TBC1D22A: variants seen among roughly 807,000 people sequenced by gnomAD.
TBC1D22A encodes putative GTPase activator.
Under a neutral mutation model 60.2 loss-of-function variants are expected in TBC1D22A, and 38 were observed. The observed-to-expected ratio is 0.63, with a 90% confidence interval of 0.49 to 0.83. The LOEUF (loss-of-function observed/expected upper bound fraction) is 0.83, where lower values mean the gene tolerates loss of function less well. Among genes scored for constraint, TBC1D22A ranks in the 40% least tolerant of loss-of-function variants. The pLI is 0.00. For synonymous variants in TBC1D22A, 302 were observed against 281.7 expected, an observed-to-expected ratio of 1.07 and a Z score of -0.72; for missense variants, 628 against 701.0, an observed-to-expected ratio of 0.90 and a Z score of 1.18.
intron 11 of TBC1D22A, among the ~76,000 whole-genome samples, chr22:47,060,240 T>C (rs972432461): frequency 1.9e-4 from 10 of 51,724 alleles, no homozygotes; most frequent in African/African-American, 8.4e-4. Flanking sequence ...GTTTCTGACT[T>C]TTTTTTTTTT....
At chr22:46,872,647 G>A (rs1333236551) in intron 4 of TBC1D22A, among the ~76,000 whole-genome samples, 1 of 152,228 alleles carries the variant, frequency 6.6e-6, no homozygotes, top group African/African-American at 2.4e-5. Context: ...AGCAGCATAA[G>A]TGGGGGAACC....
At chr22:47,153,409 C>T (rs907581629) in intron 12 of TBC1D22A, among the ~76,000 whole-genome samples, 4 of 151,988 alleles carry the variant, frequency 2.6e-5, no homozygotes, top group African/African-American at 4.8e-5. Context: ...TTGAGTGGTA[C>T]TTGGCAGCCC....
chr22:46,899,572 C>T (rs1234895422), intron 7 of TBC1D22A, among the ~76,000 whole-genome samples: 1 of 152,200 alleles, frequency 6.6e-6, no homozygotes, highest in East Asian at 1.9e-4. Context: ...CCGAATGTGC[C>T]TTCACAGGCC....
At chr22:47,123,510 G>A (rs6007606) in intron 12 of TBC1D22A, among the ~76,000 whole-genome samples, 5 of 152,286 alleles carry the variant, frequency 3.3e-5, no homozygotes, top group African/African-American at 1.2e-4. Context: ...CTCACACCCA[G>A]GACCCATTTA....
intron 4 of TBC1D22A, among the ~76,000 whole-genome samples, chr22:46,829,901 GA>G (rs775425520): frequency 2.0e-5 from 3 of 152,138 alleles, no homozygotes; most frequent in African/African-American, 4.8e-5. Flanking sequence ...AGGTCGTAAA[GA>G]AAAAAATCCC....
chr22:47,102,237 C>T (rs984415904), intron 11 of TBC1D22A, among the ~76,000 whole-genome samples: 2 of 152,198 alleles, frequency 1.3e-5, no homozygotes, highest in African/African-American at 2.4e-5. Flanking sequence ...CAGGACAGGC[C>T]TGGTGGCATG....
At position 46,913,428 on chromosome 22, in the gene TBC1D22A, A is replaced by ATC. The variant is rs745315949; in HGVS notation, c.1015+1240_1015+1241insTC. The ATC allele has an allele frequency of 3.7e-6, 5 of 1,365,766 alleles. No individual in the cohort carries two copies. The South Asian group carries it at 5.7e-5, about 16-fold the overall frequency. 84.6% of individuals were successfully genotyped at this position (1,365,766 alleles called of 1,614,324 possible). A position where few individuals can be genotyped will look rare whatever the true frequency, so the allele number is the denominator to read the frequency against. ...GGACAGATGAACAGATTATCCTCAGAAGATGAGGACATATCCAAGTAGTGA... is the reference window on the plus strand; with the variant it reads ...GGACAGATGAACAGATTATCCTCAGATCAGATGAGGACATATCCAAGTAGTGA... On this transcript the variant is annotated intron_variant, in intron 8 of 12. Transcript: ENST00000337137.
rs578255388 is a variant in TBC1D22A, at chr22:47,088,440, G to A, written c.1330-23068G>A. On this transcript the variant is annotated intron_variant, in intron 11 of 12. Transcript: ENST00000337137. The stretch of plus-strand genomic sequence containing the variant: ...ACAAAGCATCAGAAAGAATTATGAT[G>A]GCAGTTTATTAGAACATACCAAGAA... 9.2e-5 allele frequency among the ~76,000 whole-genome samples: 14 copies of A among 152,218 alleles called. No individual in the cohort carries two copies. The South Asian group carries it at 2.7e-3, about 29-fold the overall frequency.
chr22:47,020,753 G>A (rs1488315409), intron 10 of TBC1D22A, among the ~76,000 whole-genome samples: 3 of 151,788 alleles, frequency 2.0e-5, no homozygotes, highest in Non-Finnish European at 4.4e-5. Flanking sequence ...ACCTGCCTTG[G>A]TGTCATCCCC....
At chr22:46,959,904 G>A (rs2073405073) in intron 8 of TBC1D22A, among the ~76,000 whole-genome samples, 1 of 152,172 alleles carries the variant, frequency 6.6e-6, no homozygotes, top group Non-Finnish European at 1.5e-5. Flanking sequence ...GGTTCACTTA[G>A]CCTTTTTAGC....
intron 8 of TBC1D22A, among the ~76,000 whole-genome samples, chr22:46,930,612 C>T (rs930464365): frequency 7.6e-6 from 1 of 131,900 alleles, no homozygotes; most frequent in Non-Finnish European, 1.6e-5. Context: ...CCCACCACCA[C>T]GCCTGGCTAA....
chr22:47,086,918 T>C (rs1236127826), intron 11 of TBC1D22A, among the ~76,000 whole-genome samples: 1 of 152,266 alleles, frequency 6.6e-6, no homozygotes, highest in Non-Finnish European at 1.5e-5. Flanking sequence ...ATCGTAGCAC[T>C]GTTTGCAGTA....
chr22:47,004,224 C>A (rs1290865099), intron 10 of TBC1D22A, among the ~76,000 whole-genome samples: 2 of 146,394 alleles, frequency 1.4e-5, no homozygotes, highest in Middle Eastern at 3.8e-3. Context: ...CCTACACACA[C>A]CCCTATATAC....
At chr22:47,095,252 C>G (rs2065128512) in intron 11 of TBC1D22A, among the ~76,000 whole-genome samples, 1 of 152,226 alleles carries the variant, frequency 6.6e-6, no homozygotes, top group Non-Finnish European at 1.5e-5. Context: ...GAATGGGAAA[C>G]AATTTCTGTC....
intron 11 of TBC1D22A, among the ~76,000 whole-genome samples, chr22:47,042,072 T>C (rs1055701084): frequency 1.3e-5 from 2 of 152,266 alleles, no homozygotes; most frequent in Non-Finnish European, 2.9e-5. Context: ...GTCATTGTTC[T>C]CTGAGAGTTT....
chr22:46,796,698 G>C (rs743140), intron 3 of TBC1D22A, among the ~76,000 whole-genome samples: 1 of 143,984 alleles, frequency 6.9e-6, no homozygotes, highest in Non-Finnish European at 1.5e-5. Flanking sequence ...GGGCCTGTCC[G>C]TCTTGGGGGT....
chr22:46,921,400 T>A (rs918312102), intron 8 of TBC1D22A, among the ~76,000 whole-genome samples: 3 of 152,354 alleles, frequency 2.0e-5, no homozygotes. Flanking sequence ...CCGTCCATGT[T>A]GCTACAAAGG....
chr22:47,091,145 T>G (rs1939720296), intron 11 of TBC1D22A, among the ~76,000 whole-genome samples: 1 of 134,058 alleles, frequency 7.5e-6, no homozygotes, highest in Non-Finnish European at 1.6e-5. Flanking sequence ...GGTGACTGCT[T>G]GTTGATAGAG....
rs138756456 is a variant in TBC1D22A, at chr22:46,792,271, A to G, written c.63-249A>G. Among the ~76,000 whole-genome samples the G allele has an allele frequency of 5.2e-3, 794 of 152,188 alleles. 5 individuals are homozygous for G. Among genetic ancestry groups the G allele is most frequent in the African/African-American group, 0.018 (735 of 41,548 alleles). On this transcript the variant is annotated intron_variant, in intron 1 of 12. Transcript: ENST00000337137. Reference sequence around the variant, plus strand: ...GGTGGTGCTTGTCGGGCTGAGGTCCATTCTCAGGGATGGGCTGAATGCCCT... The same window carrying G: ...GGTGGTGCTTGTCGGGCTGAGGTCCGTTCTCAGGGATGGGCTGAATGCCCT...
Sources: allele counts gnomAD v4.1 joint callset (sites outside exome capture counted in the v4.1 genomes callset), GRCh38; gene constraint gnomAD v4.1.1; transcripts MANE v1.5; gene names NCBI Gene and HGNC (gene_info 2026-07-23, HGNC 2026-07-21).